PLEKHD1: variants seen among roughly 807,000 people sequenced by gnomAD.
PLEKHD1 encodes the protein pleckstrin homology and coiled-coil domain containing D1, also known as pleckstrin homology domain-containing family D member 1.
A neutral mutation model predicts 69.2 loss-of-function variants in PLEKHD1; 51 were observed. The observed-to-expected ratio is 0.74, with a 90% CI of 0.59 to 0.93. The LOEUF is 0.93. PLEKHD1 is among the 40% of genes least tolerant of loss of function. The pLI, the probability that PLEKHD1 is intolerant of heterozygous loss-of-function variation, is 0.00. For synonymous variants in PLEKHD1, 236 were observed against 244.7 expected (o/e 0.96, Z 0.33); for missense variants, 584 against 641.0 (o/e 0.91, Z 0.96).
intron 6 of PLEKHD1, among the ~76,000 whole-genome samples, chr14:69,520,264 C>A (rs1883483638): frequency 6.6e-6 from 1 of 151,116 alleles, no homozygotes; most frequent in South Asian, 2.1e-4. Flanking sequence ...TTTCCCCAGG[C>A]CTCTAAACGG....
At chr14:69,477,731 G>C in the PLEKHD1 span, among the ~76,000 whole-genome samples, 3 of 152,358 alleles carry the variant, frequency 2.0e-5, no homozygotes, top group South Asian at 4.1e-4. Context: ...TTGACTCCAT[G>C]TCTCGCATCC....
upstream of PLEKHD1, among the ~76,000 whole-genome samples, chr14:69,483,691 T>A (rs937617780): frequency 2.0e-5 from 3 of 152,254 alleles, no homozygotes; most frequent in Non-Finnish European, 2.9e-5. Context: ...TTTGTAAACT[T>A]CTGTTGCAAT....
chr14:69,484,786 G>C lies in PLEKHD1; in HGVS notation c.-180G>C, dbSNP rs1882614967. On this transcript the variant is annotated 5_prime_UTR_variant, in exon 1 of 13. Coordinates refer to ENST00000322564, the MANE Select transcript of PLEKHD1 (RefSeq NM_001161498.2). ...CCAAGCCGCCGGCTACGCGCCCTGC[G>C]CCCCCTTGGTGCCGCGTCCAGTGCC... 2 of 648,984 alleles carry C rather than the reference G, an allele frequency of 3.1e-6. No individual in the cohort carries two copies. Among genetic ancestry groups the C allele is most frequent in the East Asian group, 3.1e-5 (1 of 32,226 alleles). 40.2% of individuals were successfully genotyped at this position (648,984 alleles called of 1,614,324 possible).
At chr14:69,506,128 G>C (rs1264793230) in intron 6 of PLEKHD1, among the ~76,000 whole-genome samples, 2 of 152,224 alleles carry the variant, frequency 1.3e-5, no homozygotes. Context: ...AACCTTTTTG[G>C]TGGACATTGT....
intron 6 of PLEKHD1, among the ~76,000 whole-genome samples, chr14:69,514,505 AC>A (rs1399222867): frequency 2.6e-4 from 40 of 152,318 alleles, no homozygotes; most frequent in African/African-American, 9.4e-4. Context: ...AGCTCTTAAT[AC>A]ATTAATCTTA....
intron 6 of PLEKHD1, among the ~76,000 whole-genome samples, chr14:69,514,935 A>T (rs889684957): frequency 6.6e-6 from 1 of 152,112 alleles, no homozygotes; most frequent in African/African-American, 2.4e-5. Context: ...GGCCTCAGGC[A>T]CAGTGTAATC....
chr14:69,505,391 C>A (rs1408397499), intron 6 of PLEKHD1, among the ~76,000 whole-genome samples: 1 of 152,214 alleles, frequency 6.6e-6, no homozygotes, highest in South Asian at 2.1e-4. Flanking sequence ...CATCTGCACT[C>A]AGGTCAGAGA....
chr14:69,513,244 T>TAAAATAAAATAATAAAATAA (rs1440419045), intron 6 of PLEKHD1, among the ~76,000 whole-genome samples: 37 of 150,004 alleles, frequency 2.5e-4, no homozygotes, highest in African/African-American at 8.6e-4. Flanking sequence ...TAAAATAAAA[T>TAAAATAAAATAATAAAATAA]AATAAAATAA....
At chr14:69,490,627 G>A (rs1480748619) in intron 1 of PLEKHD1, among the ~76,000 whole-genome samples, 1 of 152,174 alleles carries the variant, frequency 6.6e-6, no homozygotes, top group African/African-American at 2.4e-5. Flanking sequence ...GAACTCTAAT[G>A]TGTCATGACT....
rs1883122169 is a variant in PLEKHD1, at chr14:69,505,113, G to A, written c.555+2234G>A. Reference sequence around the variant, plus strand: ...AGGCCTCCCTTAATGCCACAGCACAGGGAAGGAGGGAGGCCTGTCAGCTGT... The same window carrying A: ...AGGCCTCCCTTAATGCCACAGCACAAGGAAGGAGGGAGGCCTGTCAGCTGT... On this transcript the variant is annotated intron_variant, in intron 6 of 12. Transcript: ENST00000322564. Among the ~76,000 whole-genome samples the A allele has an allele frequency of 3.9e-5, 6 of 152,196 alleles. 1 individual carries two copies. In the South Asian group the frequency reaches 1.2e-3, roughly 32 times the overall value.
chr14:69,513,172 T>C (rs996382574), intron 6 of PLEKHD1, among the ~76,000 whole-genome samples: 3 of 151,550 alleles, frequency 2.0e-5, no homozygotes, highest in Non-Finnish European at 2.9e-5. Context: ...TGAGACAAGA[T>C]GGCACCACTG....
rs943197673 is a variant in PLEKHD1 at position 69,526,697 on chromosome 14, G to A, written c.924G>A (p.Arg308=). ...GAAAGTGCCTCTTCTGTCCCTACAG[G>A]ATGAAGGAGAACGAGGAGCGCTCAC... The part of the protein sequence containing the change: ...LLEEKLLAEK[R]MKENEERSRA... Residue 308 remains arginine, a splice_region_variant and synonymous_variant, in exon 10 of 13, where the codon CGG becomes CGA. Coordinates refer to ENST00000322564, the MANE Select transcript of PLEKHD1 (RefSeq NM_001161498.2). 2.6e-6 allele frequency: 4 copies of A among 1,527,196 alleles called. No homozygotes were observed. Among genetic ancestry groups the A allele is most frequent in the Non-Finnish European group, 3.5e-6 (4 of 1,134,878 alleles). 94.6% of individuals were successfully genotyped at this position (1,527,196 alleles called of 1,614,324 possible).
At position 69,527,239 on chromosome 14, in the gene PLEKHD1, G is replaced by A; in HGVS notation, c.1108G>A (p.Gly370Arg). 6.4e-7 allele frequency: 1 copy of A among 1,551,746 alleles called. No homozygotes were observed. Among genetic ancestry groups the A allele is most frequent in the Non-Finnish European group, 8.7e-7 (1 of 1,146,986 alleles). ...DLERRLREAEGALRSLEQGLN... is the reference protein window; with the variant it reads ...DLERRLREAERALRSLEQGLN... ...GGAGAGGCGTCTCCGGGAGGCAGAAGGGGCCTTGCGAAGCCTGGAACAGGG... is the reference window on the plus strand; with the variant it reads ...GGAGAGGCGTCTCCGGGAGGCAGAAAGGGCCTTGCGAAGCCTGGAACAGGG... Residue 370 changes from glycine to arginine, a missense_variant, in exon 11 of 13, where the codon GGG becomes AGG. Transcript: ENST00000322564.
chr14:69,484,904 C>T lies in PLEKHD1; in HGVS notation c.-62C>T, dbSNP rs945209347. On this transcript the variant is annotated 5_prime_UTR_variant, in exon 1 of 13. Coordinates refer to ENST00000322564, the MANE Select transcript of PLEKHD1 (RefSeq NM_001161498.2). ...GACGGCTCCGCCCTCGCCTCTCGCC[C>T]CGAGTCCCTGCTGACCCCGGGGAGG... The T allele has an allele frequency of 3.3e-6, 5 of 1,526,496 alleles. 1 individual carries two copies. The South Asian group carries it at 3.7e-5, about 11-fold the overall frequency. The allele number at this position is 1,526,496 out of a possible 1,614,324, so 94.6% of individuals were successfully genotyped here. A position where few individuals can be genotyped will look rare whatever the true frequency, so the allele number is the denominator to read the frequency against.
At chr14:69,479,366 C>A in the PLEKHD1 span, among the ~76,000 whole-genome samples, 1 of 152,180 alleles carries the variant, frequency 6.6e-6, no homozygotes, top group East Asian at 1.9e-4. Flanking sequence ...GAATGGGACC[C>A]AGCAGAGGGC....
At chr14:69,479,877 T>A (rs894425122), upstream of PLEKHD1, among the ~76,000 whole-genome samples, 1 of 152,022 alleles carries the variant, frequency 6.6e-6, no homozygotes, top group African/African-American at 2.4e-5. Flanking sequence ...CACAGACTAT[T>A]TTATAGAGGA....
At chr14:69,496,862 T>A (rs1419442000) in intron 1 of PLEKHD1, among the ~76,000 whole-genome samples, 2 of 152,048 alleles carry the variant, frequency 1.3e-5, no homozygotes. Context: ...AGAGAGCTCT[T>A]CTTATAAGGC....
Position 69,528,249 on chromosome 14 carries a change from G to T in PLEKHD1, c.1352-1G>T, listed in dbSNP as rs1883705663. ...GGGCTGTTGGGCTCCTGTTTCCCCA[G>T]TGAAGCCGTCCCAGTCCTTCATGAC... is the stretch of plus-strand genomic sequence containing the variant. On this transcript the variant is annotated splice_acceptor_variant, in intron 12 of 12. Coordinates refer to ENST00000322564, the MANE Select transcript of PLEKHD1 (RefSeq NM_001161498.2). LOFTEE classifies it high-confidence loss of function. 6.4e-7 allele frequency: 1 copy of T among 1,551,680 alleles called. No homozygotes were observed. The highest frequency in any genetic ancestry group is 8.7e-7 in the Non-Finnish European group (1 of 1,146,990).
At chr14:69,508,421 A>C (rs1400502876) in intron 6 of PLEKHD1, among the ~76,000 whole-genome samples, 1 of 151,948 alleles carries the variant, frequency 6.6e-6, no homozygotes, top group African/African-American at 2.4e-5. Flanking sequence ...AAAAAAACAA[A>C]AACAAAAAAA....
Sources: allele counts gnomAD v4.1 joint callset (sites outside exome capture counted in the v4.1 genomes callset), GRCh38; gene constraint gnomAD v4.1.1; transcripts MANE v1.5; gene names NCBI Gene and HGNC (gene_info 2026-07-23, HGNC 2026-07-21).